The following BLM variants were observed in gnomAD, a reference collection of about 807,000 sequenced individuals.
BLM encodes BLM RecQ like helicase.
In BLM, 95 loss-of-function variants were observed where a neutral mutation model predicts 135.3. The observed-to-expected ratio is 0.70, with a 90% CI of 0.59 to 0.83. BLM has a LOEUF of 0.83. BLM is among the 40% of genes least tolerant of loss of function. The pLI is 0.00. For synonymous variants in BLM, 520 were observed against 589.2 expected, an observed-to-expected ratio of 0.88 and a Z score of 1.70; for missense variants, 1,518 against 1,663.9, an observed-to-expected ratio of 0.91 and a Z score of 1.53.
intron 21 of BLM, 40 bp downstream of exon 21, chr15:90,811,446 G>A (rs188896503): frequency 4.4e-5 from 71 of 1,600,248 alleles, no homozygotes; most frequent in Non-Finnish European, 5.9e-5. Flanking sequence ...GGGAACAAGG[G>A]AAGAAAGGAC....
chr15:90,767,282 A>T (rs933284004), intron 10 of BLM, among the ~76,000 whole-genome samples: 1 of 152,214 alleles, frequency 6.6e-6, no homozygotes, highest in African/African-American at 2.4e-5. Flanking sequence ...TCCTAAAAAC[A>T]ACGTATTCTC....
rs1342532991 is a variant in BLM at position 90,751,955 on chromosome 15, G to C, written c.959+9G>C. 2.5e-6 allele frequency: 4 copies of C among 1,594,222 alleles called. No homozygotes were observed. The highest frequency in any genetic ancestry group is 1.1e-5 in the South Asian group (1 of 90,536). On this transcript the variant is annotated intron_variant, in intron 4 of 21. Transcript: ENST00000355112. Reference sequence around the variant, plus strand: ...TCTTCAAAATGCCTTAGGTAAACTAGCTAAATAATTAGCATTATTATTTGT... The same window carrying C: ...TCTTCAAAATGCCTTAGGTAAACTACCTAAATAATTAGCATTATTATTTGT...
rs541024305 is a variant in BLM at position 90,769,768 on chromosome 15, T to A, written c.2555+182T>A. 1.9e-4 allele frequency among the ~76,000 whole-genome samples: 29 copies of A among 151,942 alleles called. No individual in the cohort carries two copies. In the East Asian group the frequency reaches 4.2e-3, roughly 22 times the overall value. Reference sequence around the variant, plus strand: ...TTGGGGCTGAGAGCCAGTATTTTTTTAAAAATCCCCAAGTGATTACAATGT... The same window carrying A: ...TTGGGGCTGAGAGCCAGTATTTTTTAAAAAATCCCCAAGTGATTACAATGT... On this transcript the variant is annotated intron_variant, in intron 12 of 21. Transcript: ENST00000355112.
At position 90,725,108 on chromosome 15, in the gene BLM, C is replaced by A. The variant is rs374508275; in HGVS notation, c.-5+7668C>A. On this transcript the variant is annotated intron_variant, in intron 1 of 21. Coordinates refer to ENST00000355112, the MANE Select transcript of BLM (RefSeq NM_000057.4). ...ATTTTTAGTAGAGAGAGCGTTTTGC[C>A]ATGTTGTCCAGGATGGTCTCAAACT... Among the ~76,000 whole-genome samples, 169 of 152,164 alleles carry A rather than the reference C, an allele frequency of 1.1e-3. 3 individuals are homozygous for A. The South Asian group carries it at 0.028, about 25-fold the overall frequency.
At chr15:90,757,939 T>C (rs1895863084) in intron 5 of BLM, among the ~76,000 whole-genome samples, 1 of 151,648 alleles carries the variant, frequency 6.6e-6, no homozygotes, top group South Asian at 2.1e-4. Context: ...TAAAGTGCAC[T>C]GGCGCAATCT....
chr15:90,724,557 C>A (rs1894858798), intron 1 of BLM, among the ~76,000 whole-genome samples: 1 of 152,160 alleles, frequency 6.6e-6, no homozygotes, highest in Non-Finnish European at 1.5e-5. Context: ...CCTCCCTGTC[C>A]ACCCGCATTC....
At chr15:90,811,480 C>T (rs1897420162) in intron 21 of BLM, 74 bp downstream of exon 21, 3 of 1,464,834 alleles carry the variant, frequency 2.0e-6, no homozygotes, top group South Asian at 1.2e-5. Flanking sequence ...CTCTGCCTTG[C>T]TTTGAAGGAT....
intron 15 of BLM, among the ~76,000 whole-genome samples, chr15:90,793,471 G>C (rs770950639): frequency 4.6e-5 from 7 of 152,160 alleles, no homozygotes; most frequent in Admixed American, 1.3e-4. Context: ...CTTACTGATG[G>C]AAAGTATGCC....
At position 90,760,997 on chromosome 15, in the gene BLM, G is replaced by A. The variant is rs1555419932; in HGVS notation, c.1624G>A (p.Asp542Asn). Reference sequence around the variant, plus strand: ...GAATAAACATACTGCTTCAATAAATGACTTAGAAAGAGAAACCCAACCTTC... The same window carrying A: ...GAATAAACATACTGCTTCAATAAATAACTTAGAAAGAGAAACCCAACCTTC... Reference protein sequence around the residue: ...DQNKHTASINDLERETQPSYD... With the variant: ...DQNKHTASINNLERETQPSYD... Residue 542 changes from aspartate (D) to asparagine (N), a missense_variant, in exon 7 of 22, where the codon GAC becomes AAC. Coordinates refer to ENST00000355112, the MANE Select transcript of BLM (RefSeq NM_000057.4). 3.7e-6 allele frequency: 6 copies of A among 1,608,300 alleles called. No homozygotes were observed. The South Asian group carries it at 6.7e-5, about 18-fold the overall frequency.
At chr15:90,813,539 G>A (rs1379777002) in intron 21 of BLM, among the ~76,000 whole-genome samples, 3 of 152,122 alleles carry the variant, frequency 2.0e-5, no homozygotes, top group African/African-American at 4.8e-5. Context: ...GATTATGGGT[G>A]CACGCCACCA....
At chr15:90,759,949 C>A (rs1396918362) in intron 5 of BLM, 198 bp from the exon 6 acceptor site, 4 of 392,672 alleles carry the variant, frequency 1.0e-5, no homozygotes, top group East Asian at 5.3e-5. Context: ...AAATCAAGAT[C>A]TTAAGACTTT....
At chr15:90,787,292 A>T (rs560453174) in intron 14 of BLM, among the ~76,000 whole-genome samples, 8 of 151,704 alleles carry the variant, frequency 5.3e-5, no homozygotes, top group Non-Finnish European at 1.2e-4. Flanking sequence ...TGACCTCGTG[A>T]TCCGCCCGCC....
At chr15:90,786,240 A>C (rs1896746575) in intron 14 of BLM, among the ~76,000 whole-genome samples, 2 of 152,016 alleles carry the variant, frequency 1.3e-5, no homozygotes, top group African/African-American at 4.8e-5. Flanking sequence ...ATCCTGCCTC[A>C]ACCTACCAAA....
intron 1 of BLM, 79 bp from the exon 2 acceptor site, chr15:90,747,310 G>T: frequency 2.3e-6 from 2 of 883,614 alleles, no homozygotes; most frequent in East Asian, 3.6e-5. Context: ...TTTGAATCAA[G>T]TCCTTCCTCC....
chr15:90,792,352 C>T (rs904204326), intron 15 of BLM, among the ~76,000 whole-genome samples: 3 of 152,076 alleles, frequency 2.0e-5, no homozygotes, highest in South Asian at 2.1e-4. Flanking sequence ...GTGATCTGTC[C>T]GCCTCAGCCT....
intron 1 of BLM, among the ~76,000 whole-genome samples, chr15:90,735,533 A>T (rs1337740319): frequency 1.3e-5 from 2 of 151,986 alleles, no homozygotes; most frequent in Non-Finnish European, 2.9e-5. Context: ...TCCTAAACAC[A>T]TGAAGAATTT....
In BLM at chr15:90,760,642, T is replaced by C. The variant is rs1895947835; in HGVS notation, c.1269T>C (p.Leu423=). 2 of 1,613,066 alleles carry C rather than the reference T, an allele frequency of 1.2e-6. No individual in the cohort carries two copies. The highest frequency in any genetic ancestry group is 1.7e-6 in the Non-Finnish European group (2 of 1,179,306). Residue 423 remains leucine, a synonymous_variant, in exon 7 of 22, where the codon CTT becomes CTC. Coordinates refer to ENST00000355112, the MANE Select transcript of BLM (RefSeq NM_000057.4). ...EVDFNKSDAS[L]LGSLWRYRPD... ...ATTTTAATAAAAGTGATGCCAGTCTTCTTGGCTCATTGTGGAGATACAGGC... is the reference window on the plus strand; with the variant it reads ...ATTTTAATAAAAGTGATGCCAGTCTCCTTGGCTCATTGTGGAGATACAGGC...
At chr15:90,753,292 A>G (rs1431868370) in intron 4 of BLM, among the ~76,000 whole-genome samples, 1 of 152,180 alleles carries the variant, frequency 6.6e-6, no homozygotes, top group African/African-American at 2.4e-5. Context: ...TAGTCCCACA[A>G]TTCTGACTGT....
intron 1 of BLM, among the ~76,000 whole-genome samples, chr15:90,730,258 T>G (rs1895031552): frequency 6.6e-6 from 1 of 152,230 alleles, no homozygotes; most frequent in African/African-American, 2.4e-5. Flanking sequence ...TTAACACGCC[T>G]TTTATTTATT....
Sources: allele counts gnomAD v4.1 joint callset (sites outside exome capture counted in the v4.1 genomes callset), GRCh38; gene constraint gnomAD v4.1.1; transcripts MANE v1.5; gene names NCBI Gene and HGNC (gene_info 2026-07-23, HGNC 2026-07-21).